CSMD1: variants seen among roughly 807,000 people sequenced by gnomAD.
CSMD1 encodes CUB and Sushi multiple domains 1, also known as CUB and sushi domain-containing protein 1.
A neutral mutation model predicts 417.5 loss-of-function variants in CSMD1; 213 were observed. That is an observed-to-expected ratio of 0.51 (90% CI 0.46 to 0.57). CSMD1 has a LOEUF of 0.57. Among genes scored for constraint, CSMD1 ranks in the 20% least tolerant of loss-of-function variants. CSMD1 has a pLI of 0.00. For missense variants in CSMD1, 6,923 were observed against 4,529.7 expected, an observed-to-expected ratio of 1.53 and a Z score of -15.17; for synonymous variants, 2,862 against 1,736.8, an observed-to-expected ratio of 1.65 and a Z score of -16.11.
intron 41 of CSMD1, chr8:3,127,595 G>T (rs1246227405): frequency 6.6e-6 from 1 of 152,148 alleles, no homozygotes; most frequent in Non-Finnish European, 1.5e-5. Context: ...TTTTATGATT[G>T]TGATGAAGAA....
At chr8:3,749,487 G>C (rs868414981) in intron 6 of CSMD1, among the ~76,000 whole-genome samples, 40 of 152,264 alleles carry the variant, frequency 2.6e-4, no homozygotes, top group African/African-American at 8.7e-4. Context: ...GAAAGTGTAA[G>C]ACTCCGAGAA....
intron 2 of CSMD1, among the ~76,000 whole-genome samples, chr8:4,543,098 A>C (rs1797472991): frequency 6.6e-6 from 1 of 152,198 alleles, no homozygotes; most frequent in African/African-American, 2.4e-5. Context: ...TATTATCAAC[A>C]TCCTGCATTA....
At chr8:4,066,368 C>G (rs996310182) in intron 3 of CSMD1, among the ~76,000 whole-genome samples, 1 of 152,158 alleles carries the variant, frequency 6.6e-6, no homozygotes, top group Non-Finnish European at 1.5e-5. Context: ...ATTTCTAAGT[C>G]CCACTCAGCG....
chr8:4,572,961 C>T (rs1421214043), intron 2 of CSMD1, among the ~76,000 whole-genome samples: 1 of 152,188 alleles, frequency 6.6e-6, no homozygotes, highest in African/African-American at 2.4e-5. Context: ...TGTTTTTCAG[C>T]TCCATCAGGT....
intron 41 of CSMD1, among the ~76,000 whole-genome samples, chr8:3,139,557 C>A (rs1017020797): frequency 8.6e-5 from 13 of 151,994 alleles, no homozygotes; most frequent in Non-Finnish European, 1.3e-4. Flanking sequence ...ATGTTAGACA[C>A]CAGGTAAATA....
At chr8:4,745,880 G>C (rs1380386554) in intron 1 of CSMD1, among the ~76,000 whole-genome samples, 8 of 152,294 alleles carry the variant, frequency 5.3e-5, no homozygotes, top group South Asian at 4.1e-4. Flanking sequence ...TTCTGAGCTT[G>C]ATCCAGGCTC....
At chr8:3,948,697 C>G (rs1811406909) in intron 5 of CSMD1, among the ~76,000 whole-genome samples, 4 of 152,096 alleles carry the variant, frequency 2.6e-5, no homozygotes, top group Admixed American at 2.6e-4. Flanking sequence ...ATTCCACCAA[C>G]TTAATAATGA....
intron 3 of CSMD1, among the ~76,000 whole-genome samples, chr8:4,353,648 C>G (rs1801226438): frequency 6.6e-6 from 1 of 152,110 alleles, no homozygotes; most frequent in African/African-American, 2.4e-5. Flanking sequence ...CAGGCTAAAC[C>G]TTCTCAATCT....
chr8:3,787,213 C>T (rs1799498657), intron 5 of CSMD1, among the ~76,000 whole-genome samples: 1 of 151,936 alleles, frequency 6.6e-6, no homozygotes, highest in African/African-American at 2.4e-5. Context: ...TATTCCTATG[C>T]TGAGGAAAAT....
At chr8:3,544,977 T>A (rs1200942198) in intron 10 of CSMD1, among the ~76,000 whole-genome samples, 2 of 151,028 alleles carry the variant, frequency 1.3e-5, no homozygotes, top group African/African-American at 5.0e-5. Flanking sequence ...ACTTGATCCT[T>A]CATTTTTGTT....
chr8:4,310,895 G>GA (rs1362151155), intron 3 of CSMD1, among the ~76,000 whole-genome samples: 1 of 152,116 alleles, frequency 6.6e-6, no homozygotes, highest in African/African-American at 2.4e-5. Flanking sequence ...ACAAGCATAT[G>GA]AAAAAAAGCT....
At position 3,819,073 on chromosome 8, in the gene CSMD1, C is replaced by T. The variant is rs753222654; in HGVS notation, c.819-65031G>A. Reference sequence around the variant, plus strand: ...TGTTTGTAGGAAAATGGCACAGCTTCATAGCTTAAGGCAGAGTAGAGAGAA... The same window carrying T: ...TGTTTGTAGGAAAATGGCACAGCTTTATAGCTTAAGGCAGAGTAGAGAGAA... On this transcript the variant is annotated intron_variant, in intron 5 of 69. Transcript: ENST00000635120. 2.0e-5 allele frequency among the ~76,000 whole-genome samples: 3 copies of T among 152,292 alleles called. No homozygotes were observed. In the East Asian group the frequency reaches 5.8e-4, roughly 29 times the overall value.
In CSMD1 at chr8:3,709,093, T is replaced by A. The variant is rs6981596; in HGVS notation, c.932-602A>T. Among the ~76,000 whole-genome samples the A allele has an allele frequency of 5.9e-5, 9 of 151,724 alleles. No individual in the cohort carries two copies. In the South Asian group the frequency reaches 1.5e-3, roughly 25 times the overall value. On this transcript the variant is annotated intron_variant, in intron 6 of 69. Transcript: ENST00000635120. Reference sequence around the variant, plus strand: ...GTCCTGGCTTCTAGCATCATCATTCTGAGAGTTAAATATGTTTCTTGATGT... The same window carrying A: ...GTCCTGGCTTCTAGCATCATCATTCAGAGAGTTAAATATGTTTCTTGATGT...
chr8:4,966,565 G>A (rs13281430), intron 1 of CSMD1, among the ~76,000 whole-genome samples: 54,382 of 151,862 alleles, frequency 0.36, 10,533 homozygotes, highest in Non-Finnish European at 0.43. Context: ...TGATGTGCAA[G>A]TGTCACACTG....
At chr8:4,354,865 A>AGTGTGTGTGTGTGTGTGTGT (rs59255397) in intron 3 of CSMD1, among the ~76,000 whole-genome samples, 64 of 129,502 alleles carry the variant, frequency 4.9e-4, no homozygotes, top group South Asian at 1.4e-3. Context: ...AGGAAAATGT[A>AGTGTGTGTGTGTGTGTGTGT]GTGTGTGTGT....
chr8:4,397,104 G>C (rs538447745), intron 3 of CSMD1, among the ~76,000 whole-genome samples: 1 of 152,034 alleles, frequency 6.6e-6, no homozygotes, highest in South Asian at 2.1e-4. Flanking sequence ...TCCCTAAGAA[G>C]AGTATATAAC....
intron 3 of CSMD1, among the ~76,000 whole-genome samples, chr8:4,405,312 A>C (rs769958165): frequency 3.3e-5 from 5 of 151,882 alleles, no homozygotes; most frequent in Non-Finnish European, 5.9e-5. Flanking sequence ...ACTTCCACTT[A>C]GTTTTTTTCT....
chr8:3,838,494 T>C (rs1008191710), intron 5 of CSMD1, among the ~76,000 whole-genome samples: 5 of 140,256 alleles, frequency 3.6e-5, no homozygotes, highest in South Asian at 4.5e-4. Flanking sequence ...TATAGATATA[T>C]AGCCTAGGCT....
At chr8:3,251,659 T>C (rs1800272460) in intron 26 of CSMD1, among the ~76,000 whole-genome samples, 1 of 152,212 alleles carries the variant, frequency 6.6e-6, no homozygotes, top group Non-Finnish European at 1.5e-5. Context: ...TTGGGCAGCA[T>C]GGGCATTTTC....
Sources: allele counts gnomAD v4.1 joint callset (sites outside exome capture counted in the v4.1 genomes callset), GRCh38; gene constraint gnomAD v4.1.1; transcripts MANE v1.5; gene names NCBI Gene and HGNC (gene_info 2026-07-23, HGNC 2026-07-21).